Variants in CPLANE1 observed in about 807,000 individuals in gnomAD.
The protein encoded by CPLANE1 is ciliogenesis and planar polarity effector 1.
CPLANE1 carries 263 observed loss-of-function variants against 362.5 expected under a neutral mutation model. The ratio of observed to expected loss-of-function variants is 0.73; its 90% confidence interval spans 0.66 to 0.80. The LOEUF (loss-of-function observed/expected upper bound fraction) is 0.80. CPLANE1 is among the 30% of genes least tolerant of loss of function. The pLI is 0.00. For synonymous variants in CPLANE1, 1,212 were observed against 1,302.6 expected, an observed-to-expected ratio of 0.93 and a Z score of 1.50; for missense variants, 3,461 against 3,793.4, an observed-to-expected ratio of 0.91 and a Z score of 2.30.
At chr5:37,213,426 T>C in intron 16 of CPLANE1, 133 bp downstream of exon 16, 1 of 532,888 alleles carries the variant, frequency 1.9e-6, no homozygotes, top group Non-Finnish European at 3.0e-6. Context: ...TTCATAGTCA[T>C]AAATCACCTC....
At chr5:37,230,118 T>G (rs1797389280) in intron 9 of CPLANE1, among the ~76,000 whole-genome samples, 1 of 148,088 alleles carries the variant, frequency 6.8e-6, no homozygotes, top group South Asian at 2.1e-4. Context: ...GGGGTTGCAG[T>G]GAGCCGAGAT....
At chr5:37,135,432 C>T (rs183531129) in intron 46 of CPLANE1, among the ~76,000 whole-genome samples, 128 of 152,168 alleles carry the variant, frequency 8.4e-4, no homozygotes, top group Non-Finnish European at 1.8e-3. Flanking sequence ...GCTGGGGAGG[C>T]CTCAAGAAAC....
chr5:37,221,777 G>A (rs1451869844), intron 14 of CPLANE1, among the ~76,000 whole-genome samples: 2 of 151,730 alleles, frequency 1.3e-5, no homozygotes, highest in Non-Finnish European at 2.9e-5. Context: ...AGTTGTCAGG[G>A]GCTCCTATCT....
chr5:37,195,060 C>T (rs1308900869), intron 21 of CPLANE1, among the ~76,000 whole-genome samples: 1 of 150,334 alleles, frequency 6.7e-6, no homozygotes, highest in African/African-American at 2.5e-5. Context: ...GAGGCTGAGG[C>T]AGGAGAATAT....
chr5:37,165,422 A>G, intron 36 of CPLANE1, 117 bp downstream of exon 36: 1 of 938,694 alleles, frequency 1.1e-6, no homozygotes, highest in Non-Finnish European at 1.7e-6. Flanking sequence ...GAATGATATG[A>G]AGATCCTCCT....
intron 41 of CPLANE1, among the ~76,000 whole-genome samples, chr5:37,155,365 T>C (rs1408839874): frequency 2.6e-5 from 4 of 152,300 alleles, no homozygotes; most frequent in Non-Finnish European, 4.4e-5. Context: ...CCAAACATAA[T>C]GAACTTTAAT....
chr5:37,201,608 G>A lies in CPLANE1; in HGVS notation c.3490C>T (p.Pro1164Ser), dbSNP rs147670074. ...AAGCTTACTTCACTAAGAATAGCTG[G>A]CTGGGGACAGTACAATGGAGGAGCT... ...LPAPPLYCPQ[P>S]AILSEEDGDD... The change falls in exon 19 of 53, where the codon CCA becomes TCA. Residue 1164 changes from proline to serine, a missense_variant. By Grantham distance (74) the Pro-to-Ser change is moderately conservative (BLOSUM62 -1). Transcript: ENST00000651892. The A allele has an allele frequency of 6.2e-7, 1 of 1,613,580 alleles. No individual in the cohort carries two copies. Among genetic ancestry groups the A allele is most frequent in the South Asian group, 1.1e-5 (1 of 91,066 alleles).
intron 51 of CPLANE1, among the ~76,000 whole-genome samples, chr5:37,113,925 G>A (rs1760117181): frequency 6.6e-6 from 1 of 152,088 alleles, no homozygotes; most frequent in Admixed American, 6.6e-5. Flanking sequence ...TGATTCTCCT[G>A]CCTCAGCCTC....
Position 37,158,372 on chromosome 5 carries a change from G to A in CPLANE1, c.7691-27C>T, listed in dbSNP as rs747899846. The A allele has an allele frequency of 8.8e-6, 14 of 1,591,646 alleles. No homozygotes were observed. The South Asian group carries it at 1.1e-4, about 13-fold the overall frequency. ...TGAAAATTAAAAAAGAAATAATCAG[G>A]AACATTCAAAAAAAGGCTGTAAACT... On this transcript the variant is annotated intron_variant, in intron 38 of 52. Coordinates refer to ENST00000651892, the MANE Select transcript of CPLANE1 (RefSeq NM_001384732.1).
At position 37,106,994 on chromosome 5, in the gene CPLANE1, A is replaced by T. The variant is rs1757743848; in HGVS notation, c.*608T>A. The T allele has an allele frequency of 1.0e-6, 1 of 985,316 alleles. No individual in the cohort carries two copies. Among genetic ancestry groups the T allele is most frequent in the African/African-American group, 1.7e-5 (1 of 57,242 alleles). The allele number at this position is 985,316 out of a possible 1,614,324, so 61.0% of individuals were successfully genotyped here. On this transcript the variant is annotated 3_prime_UTR_variant, in exon 53 of 53. Coordinates refer to ENST00000651892, the MANE Select transcript of CPLANE1 (RefSeq NM_001384732.1). ...ATTCCCTTACTTTCCTGCCCAAAGC[A>T]TCCATTCCTGTTTCTTCCTCCAAGG...
Position 37,209,769 on chromosome 5 carries a change from CA to C in CPLANE1, c.2921-3345del. The C allele has an allele frequency of 7.8e-7, 1 of 1,286,560 alleles. No homozygotes were observed. Among genetic ancestry groups the C allele is most frequent in the South Asian group, 1.2e-5 (1 of 84,132 alleles). The allele number at this position is 1,286,560 out of a possible 1,614,324, so 79.7% of individuals were successfully genotyped here. On this transcript the variant is annotated intron_variant, in intron 16 of 52. Coordinates refer to ENST00000651892, the MANE Select transcript of CPLANE1 (RefSeq NM_001384732.1). This position sits in a 1 kb window ranked among gnomAD's most constrained non-coding sequence, Gnocchi z 4.6. ...GGTTTCAGGAGCTGATAAAGAAAAC[CA>C]AAAAGGTTTTCTTATGCATTTTTTA...
the CPLANE1 span, among the ~76,000 whole-genome samples, chr5:37,089,138 C>G: frequency 2.6e-5 from 4 of 152,104 alleles, no homozygotes; most frequent in Non-Finnish European, 4.4e-5. Context: ...TTACTGGGCA[C>G]AGGGGCAGAC....
chr5:37,167,318 CA>C, intron 34 of CPLANE1, 105 bp from the exon 35 acceptor site: 4 of 852,946 alleles, frequency 4.7e-6, no homozygotes, highest in Non-Finnish European at 5.4e-6. Context: ...TTAAACTGTG[CA>C]ACAGTTAGAA....
chr5:37,197,837 T>C (rs1787974900), intron 20 of CPLANE1, among the ~76,000 whole-genome samples: 1 of 152,140 alleles, frequency 6.6e-6, no homozygotes, highest in Non-Finnish European at 1.5e-5. Flanking sequence ...CAGGTCATTT[T>C]CATCACCCCA....
At chr5:37,178,707 A>G (rs1781889846) in intron 29 of CPLANE1, among the ~76,000 whole-genome samples, 1 of 152,118 alleles carries the variant, frequency 6.6e-6, no homozygotes, top group African/African-American at 2.4e-5. Context: ...GAGAAAAATA[A>G]TATCAAAAAG....
chr5:37,122,571 C>T (rs926372895), intron 47 of CPLANE1, 83 bp from the exon 48 acceptor site: 5 of 1,012,610 alleles, frequency 4.9e-6, no homozygotes, highest in Non-Finnish European at 7.5e-6. Context: ...ATTTAGGAAA[C>T]AGTACAAAAC....
intron 16 of CPLANE1, among the ~76,000 whole-genome samples, chr5:37,213,135 G>A (rs1372102691): frequency 2.0e-5 from 3 of 152,162 alleles, no homozygotes; most frequent in Non-Finnish European, 4.4e-5. Context: ...TTGAACCCAG[G>A]AGGTGGAGGT....
At position 37,106,628 on chromosome 5, in the gene CPLANE1, G is replaced by A; in HGVS notation, c.*974C>T. The stretch of plus-strand genomic sequence containing the variant: ...GTAAGGAGAGTAGCATTGTTTTATA[G>A]TTCTACAAATCTCTTTAATGTTTAG... On this transcript the variant is annotated 3_prime_UTR_variant, in exon 53 of 53. Coordinates refer to ENST00000651892, the MANE Select transcript of CPLANE1 (RefSeq NM_001384732.1). 2 of 367,552 alleles carry A rather than the reference G, an allele frequency of 5.4e-6. No homozygotes were observed. The highest frequency in any genetic ancestry group is 7.5e-6 in the Non-Finnish European group (2 of 265,320). 22.8% of individuals were successfully genotyped at this position (367,552 alleles called of 1,614,324 possible). A position where few individuals can be genotyped will look rare whatever the true frequency, so the allele number is the denominator to read the frequency against.
chr5:37,138,582 A>G, intron 46 of CPLANE1, 138 bp downstream of exon 46: 1 of 918,196 alleles, frequency 1.1e-6, no homozygotes, highest in Non-Finnish European at 1.7e-6. Flanking sequence ...ACACATATAC[A>G]TAACAAAACA....
Sources: allele counts gnomAD v4.1 joint callset (sites outside exome capture counted in the v4.1 genomes callset), GRCh38; gene constraint gnomAD v4.1.1; non-coding constraint Gnocchi (gnomAD v3.1); transcripts MANE v1.5; gene names NCBI Gene and HGNC (gene_info 2026-07-23, HGNC 2026-07-21).